KIR2DL3: variants seen among roughly 807,000 people sequenced by gnomAD.
KIR2DL3 encodes killer cell immunoglobulin like receptor, two Ig domains and long cytoplasmic tail 3, also known as killer cell immunoglobulin-like receptor 2DL3.
Under a neutral mutation model 33.8 loss-of-function variants are expected in KIR2DL3, and 39 were observed. The ratio of observed to expected loss-of-function variants is 1.15; its 90% CI spans 0.89 to 1.51. The LOEUF is 1.51. KIR2DL3 is among the 40% of genes most tolerant of loss of function. The pLI is 0.00. For synonymous variants in KIR2DL3, 174 were observed against 160.2 expected, an observed-to-expected ratio of 1.09 and a Z score of -0.65; for missense variants, 462 against 426.2, an observed-to-expected ratio of 1.08 and a Z score of -0.74.
In KIR2DL3 at chr19:54,747,395, G is replaced by C. The variant is rs769033538; in HGVS notation, c.715+10G>C. 7.5e-6 allele frequency: 12 copies of C among 1,610,422 alleles called. No homozygotes were observed. The highest frequency in any genetic ancestry group is 1.1e-5 in the South Asian group (1 of 90,998). ...CCAAGCTCCGAAACCGGTGAGTACA[G>C]AACCCTCTTATATCCGCTTTTGGAA... On this transcript the variant is annotated intron_variant, in intron 5 of 7. Coordinates refer to ENST00000342376, the MANE Select transcript of KIR2DL3 (RefSeq NM_015868.3).
intron 5 of KIR2DL3, among the ~76,000 whole-genome samples, chr19:54,748,935 A>G (rs1192688590): frequency 6.6e-6 from 1 of 151,232 alleles, no homozygotes; most frequent in African/African-American, 2.4e-5. Flanking sequence ...CCAGAATTCA[A>G]AATCAATAAT....
chr19:54,740,577 TC>T (rs370265405), intron 2 of KIR2DL3, among the ~76,000 whole-genome samples: 9,127 of 151,556 alleles, frequency 0.06, 362 homozygotes, highest in African/African-American at 0.12. Flanking sequence ...TCTTGGATTC[TC>T]CTTGTCCCAC....
chr19:54,744,952 ATATTT>A (rs1480471050), intron 4 of KIR2DL3, among the ~76,000 whole-genome samples: 53 of 27,200 alleles, frequency 1.9e-3, no homozygotes, highest in African/African-American at 6.2e-3. Context: ...ATATATATAT[ATATTT>A]TTTTTTTTTT....
chr19:54,741,314 T>G (rs866622482), intron 2 of KIR2DL3, among the ~76,000 whole-genome samples: 57 of 151,264 alleles, frequency 3.8e-4, no homozygotes, highest in African/African-American at 1.3e-3. Flanking sequence ...CACTCCAGCC[T>G]GGGTGAAGGA....
chr19:54,745,534 T>C (rs2072334104), intron 4 of KIR2DL3, among the ~76,000 whole-genome samples: 2 of 151,516 alleles, frequency 1.3e-5, no homozygotes, highest in African/African-American at 4.9e-5. Context: ...GGCTACTTTT[T>C]GTTTTTTTTA....
intron 4 of KIR2DL3, among the ~76,000 whole-genome samples, chr19:54,744,533 T>A (rs1285466121): frequency 1.6e-5 from 2 of 121,928 alleles, no homozygotes; most frequent in Non-Finnish European, 3.5e-5. Context: ...CTTTAACATT[T>A]TTTTTTTTTT....
At chr19:54,747,751 A>G (rs1176339918) in intron 5 of KIR2DL3, among the ~76,000 whole-genome samples, 3 of 152,148 alleles carry the variant, frequency 2.0e-5, no homozygotes, top group Admixed American at 1.3e-4. Flanking sequence ...TGTTTTAGAG[A>G]AGTTCCACTT....
intron 2 of KIR2DL3, among the ~76,000 whole-genome samples, chr19:54,740,302 C>T (rs1280340110): frequency 1.3e-5 from 2 of 152,018 alleles, no homozygotes; most frequent in Non-Finnish European, 2.9e-5. Flanking sequence ...GTCTGCCTGG[C>T]CCAGCCTTGT....
At chr19:54,744,952 A>ATTTTTT (rs1158879610) in intron 4 of KIR2DL3, among the ~76,000 whole-genome samples, 10 of 27,212 alleles carry the variant, frequency 3.7e-4, no homozygotes, top group East Asian at 9.0e-4. Context: ...ATATATATAT[A>ATTTTTT]TATTTTTTTT....
chr19:54,747,428 G>A (rs1195256045), intron 5 of KIR2DL3, 43 bp downstream of exon 5: 2 of 1,598,360 alleles, frequency 1.3e-6, no homozygotes, highest in Non-Finnish European at 8.6e-7. Flanking sequence ...GAAACCTGGG[G>A]AGGTAGAAAC....
intron 5 of KIR2DL3, among the ~76,000 whole-genome samples, chr19:54,748,332 C>A (rs1000137435): frequency 4.0e-5 from 6 of 150,566 alleles, no homozygotes; most frequent in Admixed American, 3.4e-4. Context: ...TCCAGGATAC[C>A]CTTGTTTTAA....
chr19:54,748,517 C>G (rs1225960434), intron 5 of KIR2DL3, among the ~76,000 whole-genome samples: 1 of 145,608 alleles, frequency 6.9e-6, no homozygotes, highest in African/African-American at 2.5e-5. Context: ...CCTTGGGACA[C>G]TGATATTGCA....
chr19:54,744,138 C>A, intron 4 of KIR2DL3, 50 bp downstream of exon 4: 1 of 1,606,530 alleles, frequency 6.2e-7, no homozygotes, highest in Non-Finnish European at 8.5e-7. Context: ...AGAGCCTTAG[C>A]TGAGGAGCTT....
At chr19:54,751,431 T>A (rs1555921483) in intron 5 of KIR2DL3, among the ~76,000 whole-genome samples, 1 of 132,440 alleles carries the variant, frequency 7.6e-6, no homozygotes, top group Non-Finnish European at 1.6e-5. Flanking sequence ...TTTGAAGGGG[T>A]CAAACATCTC....
Position 54,742,203 on chromosome 19 carries a change from C to G in KIR2DL3, c.294C>G (p.Tyr98Ter), listed in dbSNP as rs1383245927. The change falls in exon 3 of 8, where the codon TAC (tyrosine) becomes TAG (stop). Residue 98 changes from tyrosine (Y) to a stop codon, truncating the protein, a stop_gained. Coordinates refer to ENST00000342376, the MANE Select transcript of KIR2DL3 (RefSeq NM_015868.3). LOFTEE classifies it high-confidence loss of function. ...GPMMQDLAGT[Y>*]RCYGSVTHSP... ...TGATGCAAGACCTTGCAGGGACCTA[C>G]AGATGCTACGGTTCTGTTACTCACT... 4 of 1,614,054 alleles carry G rather than the reference C, an allele frequency of 2.5e-6. No homozygotes were observed. Among genetic ancestry groups the G allele is most frequent in the Non-Finnish European group, 3.4e-6 (4 of 1,180,052 alleles).
chr19:54,744,524 T>A (rs1163376499), intron 4 of KIR2DL3, among the ~76,000 whole-genome samples: 2 of 150,288 alleles, frequency 1.3e-5, no homozygotes, highest in Non-Finnish European at 2.9e-5. Context: ...GCTTACCACC[T>A]TTAACATTTT....
At chr19:54,749,358 T>C (rs1209736446) in intron 5 of KIR2DL3, among the ~76,000 whole-genome samples, 1 of 141,136 alleles carries the variant, frequency 7.1e-6, no homozygotes, top group African/African-American at 2.6e-5. Flanking sequence ...GAAAAGGCAA[T>C]TGCCACCCCA....
chr19:54,745,207 G>A (rs1334468413), intron 4 of KIR2DL3, among the ~76,000 whole-genome samples: 4 of 151,976 alleles, frequency 2.6e-5, no homozygotes, highest in African/African-American at 4.8e-5. Flanking sequence ...TGATGGGCAG[G>A]TAGGTTGACT....
chr19:54,742,487 C>T (rs1177225643), intron 3 of KIR2DL3, among the ~76,000 whole-genome samples: 1 of 151,928 alleles, frequency 6.6e-6, no homozygotes, highest in African/African-American at 2.4e-5. Context: ...AGGGGCCATA[C>T]AGGGAGTTAG....
Sources: gnomAD v4.1 joint callset for allele counts (sites outside exome capture counted in the v4.1 genomes callset) on GRCh38, gnomAD v4.1.1 for gene constraint, MANE v1.5 for transcripts, NCBI Gene and HGNC (gene_info 2026-07-23, HGNC 2026-07-21) for gene names.